Variants in IL1RAPL2 observed in about 807,000 individuals in gnomAD.
IL1RAPL2 encodes X-linked interleukin-1 receptor accessory protein-like 2.
IL1RAPL2 carries 3 observed loss-of-function variants against 44.1 expected under a neutral mutation model. The observed-to-expected ratio is 0.07, with a 90% confidence interval of 0.03 to 0.18. IL1RAPL2 has a LOEUF of 0.18. Ranked by LOEUF, IL1RAPL2 falls within the 10% of genes least tolerant of loss-of-function variation. IL1RAPL2 has a pLI of 1.00. For missense variants in IL1RAPL2, 391 were observed against 496.4 expected, an observed-to-expected ratio of 0.79 and a Z score of 2.02; for synonymous variants, 181 against 178.8, an observed-to-expected ratio of 1.01 and a Z score of -0.10.
intron 5 of IL1RAPL2, among the ~76,000 whole-genome samples, chrX:105,299,129 A>G (rs994890570): frequency 1.8e-5 from 2 of 111,966 alleles, no homozygotes; most frequent in Non-Finnish European, 3.8e-5. Context: ...TACATATAAG[A>G]TCTCTAAAAA....
chrX:105,253,173 A>G (rs750855627), intron 4 of IL1RAPL2, among the ~76,000 whole-genome samples: 3 of 111,789 alleles, frequency 2.7e-5, no homozygotes, highest in African/African-American at 9.7e-5. Context: ...TTCTTGTTCT[A>G]GTATTCCCAT....
intron 5 of IL1RAPL2, among the ~76,000 whole-genome samples, chrX:105,311,626 A>ACG (rs2034797855): frequency 1.0e-5 from 1 of 97,286 alleles, no homozygotes; most frequent in African/African-American, 4.9e-5. Context: ...ACACACACAC[A>ACG]CACACACACA....
chrX:105,316,578 A>C (rs2034843458), intron 5 of IL1RAPL2, among the ~76,000 whole-genome samples: 1 of 112,253 alleles, frequency 8.9e-6, no homozygotes, highest in South Asian at 3.7e-4. Flanking sequence ...CATCTGGTAC[A>C]AGCACTACTC....
intron 2 of IL1RAPL2, among the ~76,000 whole-genome samples, chrX:105,122,638 A>G (rs2032936559): frequency 8.9e-6 from 1 of 111,739 alleles, no homozygotes; most frequent in Admixed American, 9.5e-5. Context: ...CACATAATAC[A>G]TGGTATCTTA....
chrX:105,439,997 A>G (rs1161915008), intron 5 of IL1RAPL2, among the ~76,000 whole-genome samples: 2 of 112,069 alleles, frequency 1.8e-5, no homozygotes, highest in African/African-American at 6.5e-5. Flanking sequence ...ATTGAAACAT[A>G]CAGACTCAGA....
At chrX:105,136,834 C>T (rs2033080773) in intron 2 of IL1RAPL2, among the ~76,000 whole-genome samples, 1 of 112,050 alleles carries the variant, frequency 8.9e-6, no homozygotes, top group Non-Finnish European at 1.9e-5. Context: ...TCAATGTTAG[C>T]TTGTAAAATG....
chrX:104,813,828 A>G (rs1921064365), intron 2 of IL1RAPL2, among the ~76,000 whole-genome samples: 1 of 111,916 alleles, frequency 8.9e-6, no homozygotes, highest in African/African-American at 3.2e-5. Flanking sequence ...AGGAAACTGC[A>G]GCTGTGTCTT....
chrX:104,612,802 T>G (rs1929190680), intron 1 of IL1RAPL2, among the ~76,000 whole-genome samples: 1 of 111,786 alleles, frequency 8.9e-6, no homozygotes, highest in Non-Finnish European at 1.9e-5. Flanking sequence ...ATTCTTCCAA[T>G]CAATGAGCAT....
chrX:105,446,402 G>C (rs987055107), intron 5 of IL1RAPL2, among the ~76,000 whole-genome samples: 3 of 110,703 alleles, frequency 2.7e-5, no homozygotes, highest in Non-Finnish European at 5.7e-5. Context: ...TGTTATTATT[G>C]ACACATAAGG....
intron 1 of IL1RAPL2, among the ~76,000 whole-genome samples, chrX:104,650,119 C>T (rs888274950): frequency 9.0e-6 from 1 of 111,170 alleles, no homozygotes; most frequent in Non-Finnish European, 1.9e-5. Context: ...TATATACTAA[C>T]CCTAGGGAAT....
chrX:105,584,130 C>A (rs1468751802), intron 6 of IL1RAPL2, among the ~76,000 whole-genome samples: 1 of 110,162 alleles, frequency 9.1e-6, no homozygotes, highest in Admixed American at 9.6e-5. Context: ...TAGTTGAATA[C>A]GTTGTTCAAG....
At chrX:104,650,841 C>T (rs1449549120) in intron 1 of IL1RAPL2, among the ~76,000 whole-genome samples, 1 of 111,531 alleles carries the variant, frequency 9.0e-6, no homozygotes, top group Non-Finnish European at 1.9e-5. Context: ...GGGCAAAAAT[C>T]GTTCAGTAGT....
At chrX:105,073,876 T>G (rs898175607) in intron 2 of IL1RAPL2, among the ~76,000 whole-genome samples, 2 of 111,601 alleles carry the variant, frequency 1.8e-5, no homozygotes, top group Non-Finnish European at 3.8e-5. Flanking sequence ...TTGCCCACTT[T>G]TTGATGGGGT....
At chrX:104,954,363 A>G (rs967431841) in intron 2 of IL1RAPL2, among the ~76,000 whole-genome samples, 1 of 112,198 alleles carries the variant, frequency 8.9e-6, no homozygotes, top group Admixed American at 9.4e-5. Flanking sequence ...AATTCAATTC[A>G]TTACAAGTTT....
At chrX:104,768,412 A>G (rs905337531) in intron 2 of IL1RAPL2, among the ~76,000 whole-genome samples, 2 of 111,648 alleles carry the variant, frequency 1.8e-5, no homozygotes, top group Non-Finnish European at 3.8e-5. Context: ...ACCTGGAAAC[A>G]TTCAGTGATT....
At chrX:105,119,278 A>C (rs1348839305) in intron 2 of IL1RAPL2, among the ~76,000 whole-genome samples, 3 of 111,387 alleles carry the variant, frequency 2.7e-5, no homozygotes, top group Non-Finnish European at 3.8e-5. Flanking sequence ...GATTGCAAAA[A>C]ACAGGAATCT....
In IL1RAPL2 at chrX:105,689,383, A is replaced by G. The variant is rs758169013; in HGVS notation, c.773-27984A>G. Among the ~76,000 whole-genome samples the G allele has an allele frequency of 3.6e-5, 4 of 112,116 alleles. No individual in the cohort carries two copies. In the South Asian group the frequency reaches 1.5e-3, roughly 42 times the overall value. ...ACTCAAACAAATTTACAAGAAAAACAAAACCCCATCAAAAAGTGGACAAAG... is the reference window on the plus strand; with the variant it reads ...ACTCAAACAAATTTACAAGAAAAACGAAACCCCATCAAAAAGTGGACAAAG... On this transcript the variant is annotated intron_variant, in intron 6 of 10. Transcript: ENST00000372582.
chrX:105,735,948 C>G lies in IL1RAPL2; in HGVS notation c.903-4598C>G, dbSNP rs1443017471. On this transcript the variant is annotated intron_variant, in intron 7 of 10. Coordinates refer to ENST00000372582, the MANE Select transcript of IL1RAPL2 (RefSeq NM_017416.2). ...CCAAGGCAATCCTAAGCAAAAAGAACAAAGCCTGAGACATCACATTACCTG... is the reference window on the plus strand; with the variant it reads ...CCAAGGCAATCCTAAGCAAAAAGAAGAAAGCCTGAGACATCACATTACCTG... Among the ~76,000 whole-genome samples, 10 of 111,632 alleles carry G rather than the reference C, an allele frequency of 9.0e-5. No individual in the cohort carries two copies. The East Asian group carries it at 2.8e-3, about 32-fold the overall frequency.
At chrX:105,631,501 A>G (rs1048713832) in intron 6 of IL1RAPL2, among the ~76,000 whole-genome samples, 16 of 112,472 alleles carry the variant, frequency 1.4e-4, no homozygotes, top group African/African-American at 4.5e-4. Context: ...AACACAACCC[A>G]TCTTTCTACC....
Sources: gnomAD v4.1 joint callset for allele counts (sites outside exome capture counted in the v4.1 genomes callset) on GRCh38, gnomAD v4.1.1 for gene constraint, MANE v1.5 for transcripts, NCBI Gene and HGNC (gene_info 2026-07-23, HGNC 2026-07-21) for gene names.